LONRF1: variants seen among roughly 807,000 people sequenced by gnomAD.
LONRF1 encodes LON peptidase N-terminal domain and ring finger 1, also known as LON peptidase N-terminal domain and RING finger protein 1.
LONRF1 carries 37 observed loss-of-function variants against 85.8 expected under a neutral mutation model. The observed-to-expected ratio is 0.43, with a 90% CI of 0.33 to 0.57. The LOEUF (loss-of-function observed/expected upper bound fraction) is 0.57, where lower values mean the gene tolerates loss of function less well. LONRF1 is among the 20% of genes least tolerant of loss of function. The pLI, the probability that LONRF1 is intolerant of heterozygous loss-of-function variation, is 0.04. For missense variants in LONRF1, 1,036 were observed against 978.0 expected (o/e 1.06, Z -0.79); for synonymous variants, 517 against 390.1 (o/e 1.33, Z -3.83).
In LONRF1 at chr8:12,722,667, C is replaced by T. The variant is rs190622882; in HGVS notation, c.*429G>A. ...GTATCGCTACTCTTGTAAACTTGGG[C>T]AATAAATGACCCTCGGCAAGTTCTG... is the stretch of plus-strand genomic sequence containing the variant. On this transcript the variant is annotated 3_prime_UTR_variant, in exon 12 of 12. Transcript: ENST00000398246. 1 of 154,018 alleles carries T rather than the reference C, an allele frequency of 6.5e-6. No homozygotes were observed. The highest frequency in any genetic ancestry group is 1.9e-4 in the East Asian group (1 of 5,226). 9.5% of individuals were successfully genotyped at this position (154,018 alleles called of 1,614,324 possible). A position where few individuals can be genotyped will look rare whatever the true frequency, so the allele number is the denominator to read the frequency against.
In LONRF1 at chr8:12,755,246, CCAGCAGCTCCCCGCGGCGGAG is replaced by C. The variant is rs1339560120; in HGVS notation, c.154_174del (p.Leu52_Leu58del). On this transcript the variant is annotated inframe_deletion, in exon 1 of 12. Transcript: ENST00000398246. ...GCGCCCTTCAGGTGGCCGCCCAGCG[CCAGCAGCTCCCCGCGGCGGAG>C]CAGCAGCTCCCAGCGCTCCGACTCC... 40 of 1,235,570 alleles carry C rather than the reference CCAGCAGCTCCCCGCGGCGGAG, an allele frequency of 3.2e-5. No homozygotes were observed. The highest frequency in any genetic ancestry group is 3.3e-5 in the Non-Finnish European group (33 of 992,034). The allele number at this position is 1,235,570 out of a possible 1,614,324, so 76.5% of individuals were successfully genotyped here. A position where few individuals can be genotyped will look rare whatever the true frequency, so the allele number is the denominator to read the frequency against.
intron 1 of LONRF1, among the ~76,000 whole-genome samples, chr8:12,743,824 C>G (rs1384988199): frequency 2.7e-5 from 4 of 149,430 alleles, no homozygotes; most frequent in Admixed American, 6.8e-5. Context: ...TTTAAGAGAT[C>G]GAATTTTAAT....
chr8:12,734,420 T>A (rs1257336308), intron 7 of LONRF1, among the ~76,000 whole-genome samples: 2 of 152,214 alleles, frequency 1.3e-5, no homozygotes, highest in Non-Finnish European at 2.9e-5. Context: ...TACTTTTTTT[T>A]AAGCAATCCT....
At position 12,725,758 on chromosome 8, in the gene LONRF1, C is replaced by A; in HGVS notation, c.2132G>T (p.Gly711Val). Residue 711 changes from glycine to valine, a missense_variant, in exon 11 of 12, where the codon GGA becomes GTA. Around this residue, in one of 3 missense-constraint regions of LONRF1, gnomAD observed 265 missense variants for 301.5 expected, o/e 0.88. Transcript: ENST00000398246. ...GTTTTCCTCCCTCTCGGGCATTGAT[C>A]CGAAATGCTGAAGAATTTGGCTTCG... ...RFRSQILQHF[G>V]SMPEREENLQ... is the part of the protein sequence containing the mutation. 6.2e-7 allele frequency: 1 copy of A among 1,613,356 alleles called. No homozygotes were observed. The highest frequency in any genetic ancestry group is 8.5e-7 in the Non-Finnish European group (1 of 1,179,388).
At chr8:12,731,897 C>A (rs759896436) in intron 7 of LONRF1, 40 bp from the exon 8 acceptor site, 4 of 1,593,416 alleles carry the variant, frequency 2.5e-6, no homozygotes, top group Non-Finnish European at 3.4e-6. Context: ...CAGTGGTTTT[C>A]CTACAGTATA....
intron 6 of LONRF1, among the ~76,000 whole-genome samples, chr8:12,736,351 A>T (rs1798714669): frequency 6.6e-6 from 1 of 152,194 alleles, no homozygotes; most frequent in Non-Finnish European, 1.5e-5. Context: ...TTCATACCCA[A>T]ATTTAAAACC....
intron 1 of LONRF1, among the ~76,000 whole-genome samples, chr8:12,751,296 G>GTTTTTTTTTTTT (rs869038024): frequency 5.8e-5 from 4 of 69,558 alleles, no homozygotes; most frequent in Non-Finnish European, 8.5e-5. Flanking sequence ...TTATTTTTAT[G>GTTTTTTTTTTTT]TTTTTTTTTT....
In LONRF1 at chr8:12,722,800, A is replaced by T. The variant is rs116604449; in HGVS notation, c.*296T>A. On this transcript the variant is annotated 3_prime_UTR_variant, in exon 12 of 12. Coordinates refer to ENST00000398246, the MANE Select transcript of LONRF1 (RefSeq NM_152271.5). ...CACACGCACGCACACACACACACAC[A>T]CTCTCTCACAGACATAAAGAGTTCT... 5,042 of 223,494 alleles carry T rather than the reference A, an allele frequency of 0.023. 264 individuals are homozygous for T. The highest frequency in any genetic ancestry group is 0.11 in the African/African-American group (4,637 of 43,792). The allele number at this position is 223,494 out of a possible 1,614,324, so 13.8% of individuals were successfully genotyped here. A position where few individuals can be genotyped will look rare whatever the true frequency, so the allele number is the denominator to read the frequency against.
intron 11 of LONRF1, among the ~76,000 whole-genome samples, chr8:12,725,346 C>T (rs1326728299): frequency 2.6e-5 from 4 of 152,194 alleles, no homozygotes; most frequent in Non-Finnish European, 5.9e-5. Flanking sequence ...AGTCTCTCTG[C>T]TGTCAAAGAA....
chr8:12,734,166 A>G (rs1798632490), intron 7 of LONRF1, among the ~76,000 whole-genome samples: 1 of 152,242 alleles, frequency 6.6e-6, no homozygotes, highest in Non-Finnish European at 1.5e-5. Context: ...AACATTGAGC[A>G]TATTAGCTAA....
At chr8:12,736,562 C>T (rs1471335826) in intron 6 of LONRF1, 139 bp downstream of exon 6, 1 of 611,628 alleles carries the variant, frequency 1.6e-6, no homozygotes, top group Non-Finnish European at 2.7e-6. Flanking sequence ...AAAGGTAAAC[C>T]CAGGACTAAA....
At chr8:12,726,062 G>A in intron 10 of LONRF1, 183 bp from the exon 11 acceptor site, 1 of 514,484 alleles carries the variant, frequency 1.9e-6, no homozygotes, top group Non-Finnish European at 3.4e-6. Flanking sequence ...GGGCTGACCA[G>A]ACTAAAGAAA....
rs1267772866 is a variant in LONRF1 at position 12,755,226 on chromosome 8, C to G, written c.195G>C (p.Lys65Asn). The part of the protein sequence containing the change: ...GELLALGGHL[K>N]GALEAFAAAL... The stretch of plus-strand genomic sequence containing the variant: ...CCGCCGCGAACGCCTCCAGCGCGCC[C>G]TTCAGGTGGCCGCCCAGCGCCAGCA... The change falls in exon 1 of 12, where the codon AAG becomes AAC. Residue 65 changes from lysine (K) to asparagine (N), a missense_variant. Lys to Asn is a moderately conservative substitution (Grantham distance 94). Coordinates refer to ENST00000398246, the MANE Select transcript of LONRF1 (RefSeq NM_152271.5). The G allele has an allele frequency of 1.6e-6, 2 of 1,245,706 alleles. No individual in the cohort carries two copies. The highest frequency in any genetic ancestry group is 3.3e-5 in the East Asian group (1 of 30,040). 77.2% of individuals were successfully genotyped at this position (1,245,706 alleles called of 1,614,324 possible). A position where few individuals can be genotyped will look rare whatever the true frequency, so the allele number is the denominator to read the frequency against.
At chr8:12,733,195 T>G (rs1286312160) in intron 7 of LONRF1, among the ~76,000 whole-genome samples, 1 of 152,112 alleles carries the variant, frequency 6.6e-6, no homozygotes, top group African/African-American at 2.4e-5. Context: ...AGATAATAAG[T>G]GTTTATCACA....
At chr8:12,736,631 C>T (rs1277768560) in intron 6 of LONRF1, 70 bp downstream of exon 6, 2 of 1,042,810 alleles carry the variant, frequency 1.9e-6, no homozygotes, top group East Asian at 5.0e-5. Context: ...CTATTATTAC[C>T]TTTATCTACA....
chr8:12,730,180 T>C lies in LONRF1; in HGVS notation c.1689-848A>G, dbSNP rs1798474169. ...ATTATGGTACATCCATAAAACGGAA[T>C]ACTATGTTTCCATTAAAAGATGATG... On this transcript the variant is annotated intron_variant, in intron 8 of 11. Transcript: ENST00000398246. 2.0e-5 allele frequency among the ~76,000 whole-genome samples: 3 copies of C among 152,354 alleles called. No individual in the cohort carries two copies. In the South Asian group the frequency reaches 6.2e-4, roughly 32 times the overall value.
At chr8:12,740,661 C>T (rs1263858787) in intron 3 of LONRF1, among the ~76,000 whole-genome samples, 1 of 152,178 alleles carries the variant, frequency 6.6e-6, no homozygotes, top group Non-Finnish European at 1.5e-5. Flanking sequence ...CAAAAAAATG[C>T]ATTGAAATAT....
At chr8:12,727,953 A>G (rs986456847) in intron 10 of LONRF1, among the ~76,000 whole-genome samples, 1 of 152,220 alleles carries the variant, frequency 6.6e-6, no homozygotes, top group African/African-American at 2.4e-5. Flanking sequence ...TTTTTGTTAC[A>G]TTATCTATAG....
intron 7 of LONRF1, among the ~76,000 whole-genome samples, chr8:12,734,971 G>A (rs1160091492): frequency 6.6e-6 from 1 of 151,898 alleles, no homozygotes; most frequent in Non-Finnish European, 1.5e-5. Flanking sequence ...AGGGCAATAG[G>A]GTTTCCCCAG....
Sources: allele counts gnomAD v4.1 joint callset (sites outside exome capture counted in the v4.1 genomes callset), GRCh38; gene constraint gnomAD v4.1.1; regional missense constraint gnomAD v4.1.1; transcripts MANE v1.5; gene names NCBI Gene and HGNC (gene_info 2026-07-23, HGNC 2026-07-21).